The following COL5A2 variants were observed in gnomAD, a reference collection of about 807,000 sequenced individuals.
COL5A2 encodes collagen type V alpha 2 chain.
COL5A2 carries 23 observed loss-of-function variants against 208.2 expected under a neutral mutation model. The ratio of observed to expected loss-of-function variants is 0.11; its 90% CI spans 0.08 to 0.16. COL5A2 has a LOEUF of 0.16. COL5A2 is among the 10% of genes least tolerant of loss of function. The pLI, the probability that COL5A2 is intolerant of heterozygous loss-of-function variation, is 1.00. For synonymous variants in COL5A2, 625 were observed against 628.5 expected, an observed-to-expected ratio of 0.99 and a Z score of 0.08; for missense variants, 1,590 against 1,956.4, an observed-to-expected ratio of 0.81 and a Z score of 3.53.
the COL5A2 span, among the ~76,000 whole-genome samples, chr2:189,346,148 C>T: frequency 6.6e-6 from 1 of 152,178 alleles, no homozygotes; most frequent in South Asian, 2.1e-4. Context: ...CATCTAAAAT[C>T]ATGAGCAACT....
At chr2:189,353,643 A>G in the COL5A2 span, among the ~76,000 whole-genome samples, 14 of 152,210 alleles carry the variant, frequency 9.2e-5, no homozygotes, top group African/African-American at 3.4e-4. Flanking sequence ...TTGATTTTGT[A>G]TACTGAGACC....
At chr2:189,405,936 A>C in the COL5A2 span, among the ~76,000 whole-genome samples, 1 of 152,248 alleles carries the variant, frequency 6.6e-6, no homozygotes, top group Non-Finnish European at 1.5e-5. Flanking sequence ...CATCATTTAA[A>C]ATCCCCGTTT....
chr2:189,075,503 G>T (rs1686385286), intron 16 of COL5A2, 66 bp from the exon 17 acceptor site: 1 of 1,334,650 alleles, frequency 7.5e-7, no homozygotes, highest in African/African-American at 1.5e-5. Context: ...TCTCTTATTT[G>T]CCTTATAAAA....
Position 189,085,153 on chromosome 2 carries a change from A to G in COL5A2, c.798+7T>C. 6.2e-7 allele frequency: 1 copy of G among 1,610,640 alleles called. No homozygotes were observed. Among genetic ancestry groups the G allele is most frequent in the Non-Finnish European group, 8.5e-7 (1 of 1,177,794 alleles). ...ACCTGAATGGAAAATGAGGAAAGGTAGCTTACATCTTCCCCAGGTTTACCA... is the reference window on the plus strand; with the variant it reads ...ACCTGAATGGAAAATGAGGAAAGGTGGCTTACATCTTCCCCAGGTTTACCA... On this transcript the variant is annotated splice_region_variant and intron_variant, in intron 11 of 53. Transcript: ENST00000374866.
chr2:189,068,147 G>C, intron 20 of COL5A2, 34 bp from the exon 21 acceptor site: 1 of 1,604,286 alleles, frequency 6.2e-7, no homozygotes, highest in South Asian at 1.1e-5. Flanking sequence ...GGTAAGTAGA[G>C]ACACAGGTAG....
At chr2:189,317,873 C>T in the COL5A2 span, among the ~76,000 whole-genome samples, 1 of 152,122 alleles carries the variant, frequency 6.6e-6, no homozygotes, top group South Asian at 2.1e-4. Context: ...GTAAAATTGA[C>T]TAGCTGGTAT....
At chr2:189,234,630 T>A in the COL5A2 span, among the ~76,000 whole-genome samples, 3 of 151,874 alleles carry the variant, frequency 2.0e-5, no homozygotes, top group Non-Finnish European at 4.4e-5. Context: ...CCTGGTCTTC[T>A]GAGAGTACAG....
chr2:189,254,543 C>CCTGCCT, the COL5A2 span, among the ~76,000 whole-genome samples: 6 of 152,198 alleles, frequency 3.9e-5, no homozygotes, highest in African/African-American at 9.7e-5. Flanking sequence ...AAGAGGGAAA[C>CCTGCCT]CTGCCTGAGC....
At chr2:189,087,251 G>T (rs1409028378) in intron 8 of COL5A2, among the ~76,000 whole-genome samples, 1 of 152,074 alleles carries the variant, frequency 6.6e-6, no homozygotes, top group African/African-American at 2.4e-5. Flanking sequence ...AACGATTTGG[G>T]GCACTGAGTT....
intron 1 of COL5A2, among the ~76,000 whole-genome samples, chr2:189,118,822 T>A (rs141381862): frequency 6.4e-4 from 98 of 152,248 alleles, no homozygotes; most frequent in Non-Finnish European, 1.2e-3. Context: ...TTAATTTACA[T>A]CTATTTTCTA....
chr2:189,058,273 A>T (rs1044564831), intron 33 of COL5A2, among the ~76,000 whole-genome samples, 156 bp downstream of exon 33: 1 of 152,210 alleles, frequency 6.6e-6, no homozygotes, highest in African/African-American at 2.4e-5. Flanking sequence ...GCAAGGAAAA[A>T]GCCTAGTAAG....
At chr2:189,263,379 T>C in the COL5A2 span, among the ~76,000 whole-genome samples, 1 of 152,280 alleles carries the variant, frequency 6.6e-6, no homozygotes, top group Non-Finnish European at 1.5e-5. Flanking sequence ...AGTCATGTAC[T>C]GCATAATACT....
At chr2:189,096,407 C>T (rs981724346) in intron 6 of COL5A2, among the ~76,000 whole-genome samples, 4 of 151,512 alleles carry the variant, frequency 2.6e-5, no homozygotes, top group East Asian at 1.9e-4. Context: ...GTAGGGAGGC[C>T]GAGGCGGGCG....
chr2:189,142,212 C>A (rs952165660), intron 1 of COL5A2, among the ~76,000 whole-genome samples: 5 of 152,046 alleles, frequency 3.3e-5, no homozygotes, highest in Non-Finnish European at 7.4e-5. Flanking sequence ...TAGTGCAAAA[C>A]AAGATTACTC....
chr2:189,192,782 T>C (rs1688947474), intron 1 of COL5A2, among the ~76,000 whole-genome samples: 1 of 152,202 alleles, frequency 6.6e-6, no homozygotes, highest in African/African-American at 2.4e-5. Context: ...TTAATTGCCA[T>C]TGTAACAGTA....
the COL5A2 span, among the ~76,000 whole-genome samples, chr2:189,398,343 CA>C: frequency 6.6e-6 from 1 of 152,120 alleles, no homozygotes; most frequent in African/African-American, 2.4e-5. Flanking sequence ...TCTCTCTGCT[CA>C]ATCTGTTACT....
intron 29 of COL5A2, 111 bp from the exon 30 acceptor site, chr2:189,061,726 TG>T: frequency 1.2e-6 from 1 of 856,978 alleles, no homozygotes; most frequent in Non-Finnish European, 1.9e-6. Flanking sequence ...TCCAATCACA[TG>T]TTTTTCTCTT....
At chr2:189,164,436 G>T (rs17198787) in intron 1 of COL5A2, among the ~76,000 whole-genome samples, 22,653 of 151,512 alleles carry the variant, frequency 0.15, 2,016 homozygotes, top group Non-Finnish European at 0.2. Flanking sequence ...CTATTCTGGG[G>T]CTTTGGGAGA....
At chr2:189,391,494 G>T in the COL5A2 span, among the ~76,000 whole-genome samples, 2 of 152,056 alleles carry the variant, frequency 1.3e-5, no homozygotes, top group South Asian at 2.1e-4. Context: ...AGTAACAGTT[G>T]AACAAAATAG....
Sources: gnomAD v4.1 joint callset for allele counts (sites outside exome capture counted in the v4.1 genomes callset) on GRCh38, gnomAD v4.1.1 for gene constraint, MANE v1.5 for transcripts, NCBI Gene and HGNC (gene_info 2026-07-23, HGNC 2026-07-21) for gene names.